ZNF215: variants seen among roughly 807,000 people sequenced by gnomAD.
The protein encoded by ZNF215 is BWSCR2-associated zinc finger protein 2.
Under a neutral mutation model 27.2 loss-of-function variants are expected in ZNF215, and 24 were observed. The observed-to-expected ratio is 0.88, with a 90% CI of 0.64 to 1.24. ZNF215 has a LOEUF of 1.24. ZNF215 is among the 50% of genes most tolerant of loss of function. The probability of loss-of-function intolerance (pLI) is 0.00; values close to 1 mark genes in which losing one functional copy is unlikely to be tolerated. For synonymous variants in ZNF215, 210 were observed against 204.0 expected, an observed-to-expected ratio of 1.03 and a Z score of -0.25; for missense variants, 675 against 605.7, an observed-to-expected ratio of 1.11 and a Z score of -1.20.
At chr11:6,966,763 C>T (rs941761253) in intron 5 of ZNF215, among the ~76,000 whole-genome samples, 2 of 150,500 alleles carry the variant, frequency 1.3e-5, no homozygotes, top group African/African-American at 2.4e-5. Context: ...TTTTTTGTTT[C>T]TTAAGGTAGA....
At chr11:6,954,684 T>A (rs1219496002) in intron 6 of ZNF215, among the ~76,000 whole-genome samples, 1 of 152,196 alleles carries the variant, frequency 6.6e-6, no homozygotes, top group Non-Finnish European at 1.5e-5. Flanking sequence ...CCCTTGCGCT[T>A]CCCGAGTGAA....
intron 5 of ZNF215, 53 bp from the exon 6 acceptor site, chr11:6,943,493 G>C (rs902275015): frequency 2.0e-6 from 3 of 1,491,292 alleles, no homozygotes; most frequent in Admixed American, 3.5e-5. Flanking sequence ...AAAAATGTCT[G>C]AAGTGTCATA....
At chr11:6,939,229 CTG>C (rs2133198222) in intron 3 of ZNF215, among the ~76,000 whole-genome samples, 1 of 152,202 alleles carries the variant, frequency 6.6e-6, no homozygotes, top group East Asian at 1.9e-4. Context: ...GAAGGGGTGT[CTG>C]TGTCAGTGTT....
intron 5 of ZNF215, among the ~76,000 whole-genome samples, chr11:6,978,792 A>C (rs1850884618): frequency 6.6e-6 from 1 of 151,992 alleles, no homozygotes; most frequent in South Asian, 2.1e-4. Context: ...TATTCTTTCA[A>C]CTTTATGCTT....
chr11:6,980,506 G>C (rs1467901689), intron 5 of ZNF215, among the ~76,000 whole-genome samples: 1 of 151,980 alleles, frequency 6.6e-6, no homozygotes, highest in Non-Finnish European at 1.5e-5. Context: ...AATAAACTAA[G>C]TGTACAAATA....
downstream of ZNF215, among the ~76,000 whole-genome samples, chr11:6,993,019 G>A (rs1159362199): frequency 6.6e-6 from 1 of 152,120 alleles, no homozygotes; most frequent in African/African-American, 2.4e-5. Flanking sequence ...ATACTTTTAC[G>A]ATATAGTCAT....
chr11:6,937,536 A>C (rs1281291055), intron 3 of ZNF215, among the ~76,000 whole-genome samples: 1 of 145,784 alleles, frequency 6.9e-6, no homozygotes. Flanking sequence ...GCTGATCCTA[A>C]AATTCATAAG....
intron 5 of ZNF215, among the ~76,000 whole-genome samples, chr11:6,967,467 G>A (rs986108101): frequency 9.9e-5 from 15 of 152,198 alleles, no homozygotes; most frequent in Admixed American, 7.2e-4. Context: ...TCCAGCATCT[G>A]TTGTTTCCTG....
At chr11:6,938,492 A>G (rs890954065) in intron 3 of ZNF215, among the ~76,000 whole-genome samples, 5 of 152,130 alleles carry the variant, frequency 3.3e-5, no homozygotes, top group Non-Finnish European at 7.4e-5. Flanking sequence ...TTCACATTAA[A>G]AAGTGGAAAC....
At chr11:6,953,148 CT>C (rs1375082952) in intron 6 of ZNF215, among the ~76,000 whole-genome samples, 1 of 152,164 alleles carries the variant, frequency 6.6e-6, no homozygotes, top group Non-Finnish European at 1.5e-5. Context: ...CCCGACCTTT[CT>C]CTCTGGCTGC....
chr11:6,931,389 C>A (rs780041205), intron 2 of ZNF215, among the ~76,000 whole-genome samples: 2 of 152,202 alleles, frequency 1.3e-5, no homozygotes, highest in Non-Finnish European at 2.9e-5. Flanking sequence ...AAGACTCACA[C>A]TGAAGAAAAG....
At chr11:6,983,460 G>C (rs974747718) in intron 5 of ZNF215, among the ~76,000 whole-genome samples, 4 of 152,096 alleles carry the variant, frequency 2.6e-5, no homozygotes, top group African/African-American at 9.7e-5. Flanking sequence ...AAGCAAAAAA[G>C]AGAATTTTGA....
At chr11:6,933,339 G>C (rs1849326471) in intron 3 of ZNF215, among the ~76,000 whole-genome samples, 1 of 152,190 alleles carries the variant, frequency 6.6e-6, no homozygotes. Context: ...TAATTATGTG[G>C]CAAGTTTTAT....
At chr11:6,940,260 A>G (rs970317838) in intron 3 of ZNF215, among the ~76,000 whole-genome samples, 2 of 151,726 alleles carry the variant, frequency 1.3e-5, no homozygotes, top group African/African-American at 4.8e-5. Flanking sequence ...TTAACAGACC[A>G]TAATATTTGC....
At chr11:6,953,237 A>G (rs546727235) in intron 6 of ZNF215, among the ~76,000 whole-genome samples, 3 of 152,082 alleles carry the variant, frequency 2.0e-5, no homozygotes, top group Non-Finnish European at 2.9e-5. Flanking sequence ...CTCAAGGAGT[A>G]TGTTTGTGGC....
chr11:6,959,278 C>A (rs1178687373), downstream of ZNF215, among the ~76,000 whole-genome samples: 2 of 152,232 alleles, frequency 1.3e-5, no homozygotes, highest in East Asian at 3.9e-4. Flanking sequence ...ATAAGTTCAT[C>A]TACTAGAATA....
At chr11:6,960,206 C>A (rs1850487055), downstream of ZNF215, among the ~76,000 whole-genome samples, 1 of 152,044 alleles carries the variant, frequency 6.6e-6, no homozygotes, top group African/African-American at 2.4e-5. Flanking sequence ...AACTCACATG[C>A]CACTATGGGA....
At chr11:6,949,460 A>G (rs1849960489) in intron 6 of ZNF215, among the ~76,000 whole-genome samples, 2 of 152,168 alleles carry the variant, frequency 1.3e-5, no homozygotes, top group Non-Finnish European at 1.5e-5. Flanking sequence ...GTGAGATGGT[A>G]TCTCATTGTG....
At chr11:6,968,637 G>C (rs1417658717) in intron 5 of ZNF215, among the ~76,000 whole-genome samples, 6 of 151,736 alleles carry the variant, frequency 4.0e-5, no homozygotes, top group African/African-American at 1.5e-4. Flanking sequence ...AAGCCAAGGT[G>C]GGTGGATCAC....
Sources: gnomAD v4.1 joint callset for allele counts (sites outside exome capture counted in the v4.1 genomes callset) on GRCh38, gnomAD v4.1.1 for gene constraint, MANE v1.5 for transcripts, NCBI Gene and HGNC (gene_info 2026-07-23, HGNC 2026-07-21) for gene names.